Variants in NEB observed in about 807,000 individuals in gnomAD.
NEB encodes the protein nemaline myopathy type 2.
NEB carries 512 observed loss-of-function variants against 952.2 expected under a neutral mutation model. The observed-to-expected ratio is 0.54, with a 90% CI of 0.50 to 0.58. The LOEUF (loss-of-function observed/expected upper bound fraction) is 0.58, where lower values mean the gene tolerates loss of function less well. Among genes scored for constraint, NEB ranks in the 20% least tolerant of loss-of-function variants. The probability of loss-of-function intolerance (pLI) is 0.00; values close to 1 mark genes in which losing one functional copy is unlikely to be tolerated. For missense variants in NEB, 8,428 were observed against 9,231.1 expected (o/e 0.91, Z 3.56); for synonymous variants, 2,900 against 3,149.8 (o/e 0.92, Z 2.66).
chr2:151,523,547 A>G (rs1182131676), intron 153 of NEB, among the ~76,000 whole-genome samples: 2 of 152,234 alleles, frequency 1.3e-5, no homozygotes, highest in Admixed American at 6.5e-5. Flanking sequence ...CTAAAGTCCT[A>G]TAGGATCAAA....
In NEB at chr2:151,537,234, T is replaced by C. The variant is rs906097458; in HGVS notation, c.21105A>G (p.Val7035=). ...GCCAAGTCAAGTCTTCTTTATATTT[T>C]ACCTGGGAGAAGAAGAACATCAAAG... ...HRAVTDTVSD[V]KYKEDLTWLK... is the part of the protein sequence containing the mutation. The change falls in exon 141 of 182, where the codon GTA becomes GTG. Residue 7035 remains valine (V), a splice_region_variant and synonymous_variant. Transcript: ENST00000397345. 5.6e-6 allele frequency: 9 copies of C among 1,593,096 alleles called. No homozygotes were observed. The highest frequency in any genetic ancestry group is 3.3e-5 in the Admixed American group (2 of 59,866).
In NEB at chr2:151,627,085, G is replaced by T. The variant is rs778043439; in HGVS notation, c.10264C>A (p.Pro3422Thr). 6.2e-7 allele frequency: 1 copy of T among 1,613,922 alleles called. No homozygotes were observed. Among genetic ancestry groups the T allele is most frequent in the East Asian group, 2.2e-5 (1 of 44,872 alleles). The part of the protein sequence containing the change: ...EILSDNIYRQ[P>T]PDKLKFTSVT... ...CTGGTAAATTTCAGCTTGTCCGGAGGCTGGCGGTAGATGTTATCACTCAGT... is the reference window on the plus strand; with the variant it reads ...CTGGTAAATTTCAGCTTGTCCGGAGTCTGGCGGTAGATGTTATCACTCAGT... The change falls in exon 70 of 182, where the codon CCT becomes ACT. Residue 3422 changes from proline to threonine, a missense_variant. Coordinates refer to ENST00000397345, the MANE Select transcript of NEB (RefSeq NM_001164508.2).
chr2:151,677,175 A>G (rs1184982417), intron 34 of NEB, among the ~76,000 whole-genome samples: 1 of 152,346 alleles, frequency 6.6e-6, no homozygotes, highest in East Asian at 1.9e-4. Flanking sequence ...TGAAAAGAAA[A>G]TATGAGAAAC....
rs993009495 is a variant in NEB, at chr2:151,570,061, C to T, written c.17430+20G>A. On this transcript the variant is annotated intron_variant, in intron 109 of 181. Transcript: ENST00000397345. ...TGGCAAACTGAGAAAAGAGTTCAAC[C>T]CCAAATGCAGCCCACTCACATCGCT... The T allele has an allele frequency of 6.3e-7, 1 of 1,587,406 alleles. No individual in the cohort carries two copies. Among genetic ancestry groups the T allele is most frequent in the Admixed American group, 1.8e-5 (1 of 55,970 alleles).
intron 44 of NEB, 96 bp downstream of exon 44, chr2:151,664,405 C>T (rs2099185637): frequency 4.5e-6 from 4 of 898,078 alleles, no homozygotes; most frequent in African/African-American, 1.7e-5. Flanking sequence ...TCCCACCAAC[C>T]CTGAATGGAG....
intron 5 of NEB, 72 bp from the exon 6 acceptor site, chr2:151,725,632 G>A: frequency 1.7e-6 from 2 of 1,201,050 alleles, no homozygotes; most frequent in South Asian, 1.3e-5. Context: ...CACCCCATTT[G>A]ATAAAAAAAA....
At position 151,630,765 on chromosome 2, in the gene NEB, C is replaced by G; in HGVS notation, c.9673G>C (p.Asp3225His). 1 of 1,611,808 alleles carries G rather than the reference C, an allele frequency of 6.2e-7. No individual in the cohort carries two copies. Among genetic ancestry groups the G allele is most frequent in the Non-Finnish European group, 8.5e-7 (1 of 1,178,858 alleles). ...KDKTQIHIMP[D>H]TPEIMLARQN... Reference sequence around the variant, plus strand: ...CTTGCCAACATAATCTCTGGTGTATCAGGCATTATGTGAATTTGAGTCTTG... The same window carrying G: ...CTTGCCAACATAATCTCTGGTGTATGAGGCATTATGTGAATTTGAGTCTTG... Residue 3225 changes from aspartate to histidine, a missense_variant, in exon 67 of 182, where the codon GAT becomes CAT. Physicochemically the swap from Asp to His is moderately conservative, Grantham distance 81. Coordinates refer to ENST00000397345, the MANE Select transcript of NEB (RefSeq NM_001164508.2).
chr2:151,633,362 C>T (rs1222418494), intron 65 of NEB, among the ~76,000 whole-genome samples: 2 of 146,328 alleles, frequency 1.4e-5, no homozygotes, highest in Non-Finnish European at 3.1e-5. Context: ...AAAGTAAAAA[C>T]GTTTCTTCCT....
At chr2:151,622,765 T>C (rs773118994) in intron 71 of NEB, among the ~76,000 whole-genome samples, 29 of 152,240 alleles carry the variant, frequency 1.9e-4, no homozygotes, top group Non-Finnish European at 3.1e-4. Flanking sequence ...TATTGTCTAG[T>C]ATTATTCTCT....
At chr2:151,724,462 G>C in intron 7 of NEB, 98 bp from the exon 8 acceptor site, 1 of 901,730 alleles carries the variant, frequency 1.1e-6, no homozygotes, top group Non-Finnish European at 1.8e-6. Flanking sequence ...TGCTTGCTCA[G>C]AGGTTGCCAA....
At chr2:151,642,019 T>C (rs944995165) in intron 60 of NEB, among the ~76,000 whole-genome samples, 1 of 152,184 alleles carries the variant, frequency 6.6e-6, no homozygotes, top group African/African-American at 2.4e-5. Flanking sequence ...TGTGTCCATG[T>C]GTTCTCATTG....
chr2:151,538,202 G>A lies in NEB; in HGVS notation c.20935C>T (p.His6979Tyr), dbSNP rs1454704993. Residue 6979 changes from histidine (H) to tyrosine (Y), a missense_variant, in exon 139 of 182, where the codon CAC becomes TAC. Coordinates refer to ENST00000397345, the MANE Select transcript of NEB (RefSeq NM_001164508.2). Reference protein sequence around the residue: ...ETFQKTKGKYHTVKDALDIVY... With the variant: ...ETFQKTKGKYYTVKDALDIVY... ...ATGTCTAGGGCATCTTTCACCGTGT[G>A]GTATTTCCCTTTGGTCTTTTGAAAT... The A allele has an allele frequency of 1.2e-6, 2 of 1,613,140 alleles. No individual in the cohort carries two copies. Among genetic ancestry groups the A allele is most frequent in the East Asian group, 4.5e-5 (2 of 44,854 alleles).
intron 124 of NEB, among the ~76,000 whole-genome samples, chr2:151,559,027 C>T (rs548943007): frequency 6.6e-6 from 1 of 152,122 alleles, no homozygotes; most frequent in South Asian, 2.1e-4. Flanking sequence ...GAAAAAATTT[C>T]TGCAATCTAT....
chr2:151,638,408 T>G (rs550973714), intron 63 of NEB, among the ~76,000 whole-genome samples: 9 of 152,268 alleles, frequency 5.9e-5, no homozygotes, highest in African/African-American at 1.4e-4. Context: ...GCTTGGGATA[T>G]TGGATTTGAA....
chr2:151,609,774 C>T (rs2097878109), intron 81 of NEB, 35 bp downstream of exon 81: 2 of 1,535,914 alleles, frequency 1.3e-6, no homozygotes, highest in Non-Finnish European at 1.8e-6. Flanking sequence ...TCTACATCTT[C>T]CCCTTCCCCC....
intron 81 of NEB, among the ~76,000 whole-genome samples, chr2:151,609,241 C>T (rs190586690): frequency 2.2e-4 from 34 of 151,668 alleles, no homozygotes; most frequent in African/African-American, 6.8e-4. Context: ...GTTAGACATA[C>T]AAATCCTTAG....
intron 76 of NEB, 168 bp downstream of exon 76, chr2:151,615,834 G>T: frequency 1.7e-6 from 1 of 602,912 alleles, no homozygotes; most frequent in Admixed American, 3.3e-5. Context: ...AATGGGTCTA[G>T]AATTTTGTGC....
In NEB at chr2:151,712,510, C is replaced by T. The variant is rs997279024; in HGVS notation, c.823-1972G>A. On this transcript the variant is annotated intron_variant, in intron 10 of 181. Coordinates refer to ENST00000397345, the MANE Select transcript of NEB (RefSeq NM_001164508.2). ...CTTCCTTCTTAATCTTCACAGACCA[C>T]GACATGTTATTTCCTCCTATCCAGC... 5.3e-5 allele frequency among the ~76,000 whole-genome samples: 8 copies of T among 152,142 alleles called. No homozygotes were observed. The South Asian group carries it at 1.0e-3, about 20-fold the overall frequency.
Position 151,526,149 on chromosome 2 carries a change from G to C in NEB, c.22050+9C>G. 3.1e-6 allele frequency: 5 copies of C among 1,613,332 alleles called. No individual in the cohort carries two copies. Among genetic ancestry groups the C allele is most frequent in the Non-Finnish European group, 2.5e-6 (3 of 1,179,274 alleles). ...AGGGAAGCAGAACTCATGGGCGGCTGGGGGTTACCTCAGACACCAGGTTGC... is the reference window on the plus strand; with the variant it reads ...AGGGAAGCAGAACTCATGGGCGGCTCGGGGTTACCTCAGACACCAGGTTGC... On this transcript the variant is annotated intron_variant, in intron 149 of 181. Transcript: ENST00000397345.
Sources: allele counts gnomAD v4.1 joint callset (sites outside exome capture counted in the v4.1 genomes callset), GRCh38; gene constraint gnomAD v4.1.1; transcripts MANE v1.5; gene names NCBI Gene and HGNC (gene_info 2026-07-23, HGNC 2026-07-21).